USP14: variants seen among roughly 807,000 people sequenced by gnomAD.
USP14 encodes the protein ubiquitin specific peptidase 14.
In USP14, 38 loss-of-function variants were observed where a neutral mutation model predicts 76.5. The observed-to-expected ratio is 0.50, with a 90% CI of 0.38 to 0.65. The LOEUF (loss-of-function observed/expected upper bound fraction) is 0.65. Among genes scored for constraint, USP14 ranks in the 30% least tolerant of loss-of-function variants. USP14 has a pLI of 0.00. For synonymous variants in USP14, 192 were observed against 191.7 expected (o/e 1.00, Z -0.01); for missense variants, 467 against 586.5 (o/e 0.80, Z 2.10).
chr18:210,982 G>A (rs1276600337), intron 15 of USP14, 151 bp from the exon 16 acceptor site: 14 of 709,464 alleles, frequency 2.0e-5, no homozygotes, highest in Non-Finnish European at 3.0e-5. Flanking sequence ...GTGCCCTTAA[G>A]CCTGTGTGGT....
chr18:183,171 C>G (rs1405217827), intron 5 of USP14, among the ~76,000 whole-genome samples: 1 of 151,988 alleles, frequency 6.6e-6, no homozygotes, highest in Admixed American at 6.6e-5. Flanking sequence ...GATAATATTG[C>G]TTGGAGCAAG....
intron 5 of USP14, among the ~76,000 whole-genome samples, chr18:187,343 G>A (rs951937904): frequency 6.6e-6 from 1 of 152,128 alleles, no homozygotes; most frequent in East Asian, 1.9e-4. Flanking sequence ...ACCATCTGGT[G>A]TGTAGTAATG....
chr18:209,897 A>G, intron 13 of USP14, 74 bp from the exon 14 acceptor site: 1 of 1,159,934 alleles, frequency 8.6e-7, no homozygotes, highest in Admixed American at 2.3e-5. Flanking sequence ...TATTTATGAA[A>G]TTGAACACTT....
intron 3 of USP14, among the ~76,000 whole-genome samples, chr18:169,858 G>T (rs1909392986): frequency 6.6e-6 from 1 of 152,036 alleles, no homozygotes; most frequent in Non-Finnish European, 1.5e-5. Context: ...TTTTGTAATT[G>T]TTTTGGGGTG....
rs1320401526 is a variant in USP14, at chr18:211,802, A to ATGG, written c.*519_*521dup. ...GTGCTGCTGTCCATCCCATGGAAAC[A>ATGG]TGGGCACAATCAAGTATTTGTCCAG... On this transcript the variant is annotated 3_prime_UTR_variant, in exon 16 of 16. Coordinates refer to ENST00000261601, the MANE Select transcript of USP14 (RefSeq NM_005151.4). 1 of 152,712 alleles carries ATGG rather than the reference A, an allele frequency of 6.5e-6. No individual in the cohort carries two copies. The highest frequency in any genetic ancestry group is 1.5e-5 in the Non-Finnish European group (1 of 68,090). The allele number at this position is 152,712 out of a possible 1,614,324, so 9.5% of individuals were successfully genotyped here. A position where few individuals can be genotyped will look rare whatever the true frequency, so the allele number is the denominator to read the frequency against.
chr18:171,288 G>A (rs1909456459), intron 3 of USP14, among the ~76,000 whole-genome samples: 2 of 151,962 alleles, frequency 1.3e-5, no homozygotes. Context: ...TAGCTAGAGA[G>A]GAGAAGTCAG....
intron 3 of USP14, among the ~76,000 whole-genome samples, chr18:171,346 A>G (rs1006690875): frequency 6.6e-6 from 1 of 152,090 alleles, no homozygotes; most frequent in East Asian, 1.9e-4. Flanking sequence ...AGGCTAATGT[A>G]GCTAATGACT....
chr18:204,745 G>T, intron 13 of USP14, 53 bp downstream of exon 13: 2 of 1,578,644 alleles, frequency 1.3e-6, no homozygotes, highest in Admixed American at 2.0e-5. Context: ...TCCCATCAGT[G>T]CTCAGCAATT....
chr18:203,231 T>TA, intron 12 of USP14, 41 bp downstream of exon 12: 1 of 1,539,026 alleles, frequency 6.5e-7, no homozygotes, highest in Non-Finnish European at 8.9e-7. Flanking sequence ...ATGTAATTCT[T>TA]TGAAGGTAAT....
chr18:214,262 T>TA lies in USP14; in HGVS notation c.*2979dup. The stretch of plus-strand genomic sequence containing the variant: ...GCAGTCATATGGTTTCAGAAAGTGT[T>TA]ATTCTGGGATTTCAGGATAAATTTT... On this transcript the variant is annotated 3_prime_UTR_variant, in exon 16 of 16. Transcript: ENST00000261601. The TA allele has an allele frequency of 5.1e-6, 1 of 194,786 alleles. No homozygotes were observed. The allele number at this position is 194,786 out of a possible 1,614,324, so 12.1% of individuals were successfully genotyped here.
chr18:202,511 T>C (rs1910410466), intron 10 of USP14, among the ~76,000 whole-genome samples: 1 of 152,230 alleles, frequency 6.6e-6, no homozygotes, highest in Non-Finnish European at 1.5e-5. Flanking sequence ...TCTTGGGCTC[T>C]CTTAATTTTC....
chr18:203,297 A>T, intron 12 of USP14, 107 bp downstream of exon 12: 1 of 1,000,678 alleles, frequency 1.0e-6, no homozygotes. Flanking sequence ...CTTTCTTTGA[A>T]ATATTTAGGG....
intron 9 of USP14, among the ~76,000 whole-genome samples, 172 bp downstream of exon 9, chr18:198,304 C>G (rs982579807): frequency 2.0e-5 from 3 of 152,146 alleles, no homozygotes; most frequent in African/African-American, 7.2e-5. Flanking sequence ...ATGGTGTGAT[C>G]TTGACTCACT....
chr18:214,386 C>CTT lies in USP14; in HGVS notation c.*3103_*3104dup. 1 of 419,376 alleles carries CTT rather than the reference C, an allele frequency of 2.4e-6. No homozygotes were observed. Among genetic ancestry groups the CTT allele is most frequent in the Non-Finnish European group, 4.2e-6 (1 of 235,958 alleles). The allele number at this position is 419,376 out of a possible 1,614,324, so 26.0% of individuals were successfully genotyped here. On this transcript the variant is annotated 3_prime_UTR_variant, in exon 16 of 16. Transcript: ENST00000261601. ...TTTAACTTCATTATAAATACATCTA[C>CTT]TTAACAAAAAAATATATTTTGTGAT...
intron 3 of USP14, among the ~76,000 whole-genome samples, chr18:167,934 CTTTTTTTTT>C (rs34207469): frequency 2.3e-4 from 27 of 116,120 alleles, no homozygotes; most frequent in African/African-American, 8.5e-4. Context: ...ATTTTTCTCT[CTTTTTTTTT>C]TTTTTTTTTT....
At chr18:171,062 A>G (rs1361805004) in intron 3 of USP14, among the ~76,000 whole-genome samples, 1 of 142,800 alleles carries the variant, frequency 7.0e-6, no homozygotes, top group African/African-American at 2.6e-5. Context: ...ATATAAACTG[A>G]AGCTAGCAGA....
chr18:166,132 C>G (rs1909264768), intron 2 of USP14, among the ~76,000 whole-genome samples: 1 of 152,072 alleles, frequency 6.6e-6, no homozygotes, highest in African/African-American at 2.4e-5. Context: ...TCTGCTGGTT[C>G]CAAACATCCA....
At chr18:192,720 G>T (rs1298829744) in intron 5 of USP14, 122 bp from the exon 6 acceptor site, 21 of 778,956 alleles carry the variant, frequency 2.7e-5, no homozygotes, top group Non-Finnish European at 6.1e-6. Context: ...AGGAAAGGTG[G>T]GAACAACTCT....
intron 5 of USP14, among the ~76,000 whole-genome samples, chr18:185,212 T>TG (rs1483119494): frequency 1.3e-5 from 2 of 152,162 alleles, no homozygotes; most frequent in Non-Finnish European, 2.9e-5. Flanking sequence ...CAGGCTGCAG[T>TG]GCAGTGGTGC....
Sources: allele counts gnomAD v4.1 joint callset (sites outside exome capture counted in the v4.1 genomes callset), GRCh38; gene constraint gnomAD v4.1.1; transcripts MANE v1.5; gene names NCBI Gene and HGNC (gene_info 2026-07-23, HGNC 2026-07-21).